PDE12: variants seen among roughly 807,000 people sequenced by gnomAD.
PDE12 encodes the protein phosphodiesterase 12.
PDE12 carries 26 observed loss-of-function variants against 45.4 expected under a neutral mutation model. The observed-to-expected ratio is 0.57, with a 90% CI of 0.42 to 0.79. The LOEUF (loss-of-function observed/expected upper bound fraction) is 0.79, where lower values mean the gene tolerates loss of function less well. PDE12 is among the 30% of genes least tolerant of loss of function. PDE12 has a pLI of 0.00. For synonymous variants in PDE12, 283 were observed against 323.9 expected, an observed-to-expected ratio of 0.87 and a Z score of 1.36; for missense variants, 668 against 790.0, an observed-to-expected ratio of 0.85 and a Z score of 1.85.
the PDE12 span, among the ~76,000 whole-genome samples, chr3:57,606,243 A>T: frequency 6.6e-6 from 1 of 152,220 alleles, no homozygotes; most frequent in Admixed American, 6.5e-5. Flanking sequence ...AGTCAGAGAA[A>T]AAGAGACTTA....
chr3:57,596,902 G>GC, the PDE12 span: 2 of 641,500 alleles, frequency 3.1e-6, no homozygotes. Flanking sequence ...GGGGCGGGGG[G>GC]GATCGCTCAC....
chr3:57,615,914 TCA>T, the PDE12 span, among the ~76,000 whole-genome samples: 1 of 152,182 alleles, frequency 6.6e-6, no homozygotes, highest in Non-Finnish European at 1.5e-5. Context: ...AGAGGTTACA[TCA>T]CTACAGGGTC....
At chr3:57,604,680 G>T in the PDE12 span, among the ~76,000 whole-genome samples, 2 of 149,328 alleles carry the variant, frequency 1.3e-5, no homozygotes, top group African/African-American at 5.0e-5. Flanking sequence ...TGGTATGATC[G>T]TGGCTCACTG....
At chr3:57,640,093 AC>A in the PDE12 span, among the ~76,000 whole-genome samples, 1 of 151,132 alleles carries the variant, frequency 6.6e-6, no homozygotes, top group Non-Finnish European at 1.5e-5. Context: ...ACATGGTGAA[AC>A]CCCGTCTCTA....
At chr3:57,649,385 A>G in the PDE12 span, among the ~76,000 whole-genome samples, 1 of 152,168 alleles carries the variant, frequency 6.6e-6, no homozygotes, top group African/African-American at 2.4e-5. Context: ...GTGAAAAGGG[A>G]ATACTTTTAC....
the PDE12 span, among the ~76,000 whole-genome samples, chr3:57,598,454 G>C: frequency 6.6e-6 from 1 of 152,276 alleles, no homozygotes; most frequent in Admixed American, 6.5e-5. Context: ...TTCAGAGACT[G>C]TTATTTCTTA....
chr3:57,617,496 A>G, the PDE12 span, among the ~76,000 whole-genome samples: 2 of 152,324 alleles, frequency 1.3e-5, no homozygotes, highest in African/African-American at 4.8e-5. Context: ...TACCAAAAAA[A>G]TACCTGCACT....
At chr3:57,601,131 A>ATT in the PDE12 span, among the ~76,000 whole-genome samples, 329 of 150,262 alleles carry the variant, frequency 2.2e-3, 1 homozygote, top group Non-Finnish European at 4.0e-3. Context: ...ATTTTATTTT[A>ATT]TTTTTTTTTG....
At chr3:57,630,383 C>A in the PDE12 span, 1 of 1,498,502 alleles carries the variant, frequency 6.7e-7, no homozygotes, top group Non-Finnish European at 9.0e-7. Flanking sequence ...TTATTTTCAA[C>A]AGTTGTTAAT....
At chr3:57,649,962 A>G in the PDE12 span, among the ~76,000 whole-genome samples, 1 of 151,692 alleles carries the variant, frequency 6.6e-6, no homozygotes, top group African/African-American at 2.4e-5. Flanking sequence ...CTACTCAGCC[A>G]TAAAAAGGAA....
the PDE12 span, among the ~76,000 whole-genome samples, chr3:57,653,467 C>T: frequency 3.3e-5 from 5 of 151,934 alleles, no homozygotes; most frequent in African/African-American, 7.3e-5. Context: ...AGTAGTAGGC[C>T]GGGCGCGGTG....
chr3:57,579,578 G>A, the PDE12 span, among the ~76,000 whole-genome samples: 31 of 152,074 alleles, frequency 2.0e-4, 1 homozygote, highest in East Asian at 2.9e-3. Context: ...GTGAGCCACC[G>A]CGCCCAGCCC....
At position 57,560,440 on chromosome 3, in the gene PDE12, C is replaced by T. The variant is rs1389848374; in HGVS notation, c.*436C>T. The T allele has an allele frequency of 2.1e-6, 1 of 472,606 alleles. No homozygotes were observed. Among genetic ancestry groups the T allele is most frequent in the African/African-American group, 2.1e-5 (1 of 46,774 alleles). The allele number at this position is 472,606 out of a possible 1,614,324, so 29.3% of individuals were successfully genotyped here. A position where few individuals can be genotyped will look rare whatever the true frequency, so the allele number is the denominator to read the frequency against. The stretch of plus-strand genomic sequence containing the variant: ...CCCTGGGTTTAAGCGATTCTCCTGC[C>T]TCAGCTTCCCGAGTAGCTGGGATTA... On this transcript the variant is annotated 3_prime_UTR_variant, in exon 3 of 3. Coordinates refer to ENST00000311180, the MANE Select transcript of PDE12 (RefSeq NM_177966.7).
At chr3:57,628,069 C>T in the PDE12 span, 1 of 1,210,044 alleles carries the variant, frequency 8.3e-7, no homozygotes, top group Non-Finnish European at 1.1e-6. Flanking sequence ...TCTGTTTATA[C>T]AATACAGTCT....
the PDE12 span, among the ~76,000 whole-genome samples, chr3:57,650,080 C>G: frequency 5.3e-5 from 8 of 152,006 alleles, no homozygotes; most frequent in East Asian, 1.4e-3. Flanking sequence ...TAAGTGGGAG[C>G]TAAGCTATGA....
the PDE12 span, chr3:57,630,624 T>G: frequency 6.5e-7 from 1 of 1,530,636 alleles, no homozygotes; most frequent in East Asian, 2.3e-5. Context: ...TTAGTAGAAT[T>G]TTTTAAAAAG....
At chr3:57,585,821 C>T in the PDE12 span, among the ~76,000 whole-genome samples, 1 of 152,004 alleles carries the variant, frequency 6.6e-6, no homozygotes, top group Non-Finnish European at 1.5e-5. Flanking sequence ...TGCCACCACA[C>T]CCCAGCTAAT....
chr3:57,598,024 TC>T, the PDE12 span: 1 of 152,212 alleles, frequency 6.6e-6, no homozygotes, highest in Non-Finnish European at 1.5e-5. Flanking sequence ...CAACACGTGT[TC>T]ATCGGCTGTT....
chr3:57,597,074 C>T, the PDE12 span: 2 of 1,613,848 alleles, frequency 1.2e-6, no homozygotes, highest in Non-Finnish European at 8.5e-7. Flanking sequence ...CCTCACTCAC[C>T]CATCAAAATG....
Sources: allele counts gnomAD v4.1 joint callset (sites outside exome capture counted in the v4.1 genomes callset), GRCh38; gene constraint gnomAD v4.1.1; transcripts MANE v1.5; gene names NCBI Gene and HGNC (gene_info 2026-07-23, HGNC 2026-07-21).